Variants in GAS7 observed in about 807,000 individuals in gnomAD.
GAS7 encodes growth arrest specific 7.
Under a neutral mutation model 71.1 loss-of-function variants are expected in GAS7, and 28 were observed. That is an observed-to-expected ratio of 0.39 (90% CI 0.29 to 0.54). GAS7 has a LOEUF of 0.54. GAS7 is among the 20% of genes least tolerant of loss of function. The pLI, the probability that GAS7 is intolerant of heterozygous loss-of-function variation, is 0.62. For synonymous variants in GAS7, 258 were observed against 245.8 expected (o/e 1.05, Z -0.46); for missense variants, 436 against 627.8 (o/e 0.69, Z 3.27).
intron 1 of GAS7, among the ~76,000 whole-genome samples, chr17:10,097,418 AC>A (rs2073652532): frequency 6.6e-6 from 1 of 152,200 alleles, no homozygotes; most frequent in South Asian, 2.1e-4. Context: ...TATAGATCTT[AC>A]ACACAGCCAC....
At chr17:10,008,384 G>A (rs894170697) in intron 2 of GAS7, among the ~76,000 whole-genome samples, 4 of 152,162 alleles carry the variant, frequency 2.6e-5, no homozygotes, top group African/African-American at 9.7e-5. Context: ...AGTGAGGAAC[G>A]CTCTCACACT....
At chr17:9,939,454 C>T (rs560927221) in intron 8 of GAS7, among the ~76,000 whole-genome samples, 2 of 152,296 alleles carry the variant, frequency 1.3e-5, no homozygotes, top group East Asian at 1.9e-4. Context: ...CCCTCTCATA[C>T]GCAGCTTCCT....
chr17:9,958,915 G>T (rs377121440), intron 5 of GAS7: 3 of 1,295,214 alleles, frequency 2.3e-6, no homozygotes, highest in Non-Finnish European at 3.0e-6. Flanking sequence ...ACCCACTCCC[G>T]CACGCATACC....
chr17:10,078,266 A>G (rs1015053974), intron 1 of GAS7, among the ~76,000 whole-genome samples: 1 of 151,820 alleles, frequency 6.6e-6, no homozygotes, highest in African/African-American at 2.4e-5. Flanking sequence ...TAATTTTTGT[A>G]TTTTTAGTAC....
intron 2 of GAS7, among the ~76,000 whole-genome samples, chr17:9,997,172 G>A (rs1351068780): frequency 2.0e-5 from 3 of 147,128 alleles, no homozygotes; most frequent in African/African-American, 7.6e-5. Context: ...GAAAAATATT[G>A]AGGTAGGTCC....
At chr17:9,957,815 T>C (rs1489889825) in intron 5 of GAS7, among the ~76,000 whole-genome samples, 1 of 152,066 alleles carries the variant, frequency 6.6e-6, no homozygotes, top group African/African-American at 2.4e-5. Flanking sequence ...GCCCAGCCCT[T>C]GGAGACACCG....
chr17:10,164,215 G>C (rs1191324826), intron 1 of GAS7, among the ~76,000 whole-genome samples: 1 of 152,024 alleles, frequency 6.6e-6, no homozygotes, highest in Non-Finnish European at 1.5e-5. Flanking sequence ...GGCCGAGGCG[G>C]GCAGATCACA....
At chr17:10,133,057 C>A (rs2074009672) in intron 1 of GAS7, among the ~76,000 whole-genome samples, 2 of 151,502 alleles carry the variant, frequency 1.3e-5, no homozygotes, top group African/African-American at 2.4e-5. Context: ...TCACATATAC[C>A]CCTCCCTTCA....
At chr17:10,186,418 T>TTTTTTTTA (rs2074454136) in intron 1 of GAS7, among the ~76,000 whole-genome samples, 2 of 136,218 alleles carry the variant, frequency 1.5e-5, no homozygotes, top group African/African-American at 5.7e-5. Flanking sequence ...TTTTTTTTTT[T>TTTTTTTTA]GAGACCTAGT....
intron 2 of GAS7, among the ~76,000 whole-genome samples, chr17:9,986,013 C>T (rs1220803519): frequency 1.3e-5 from 2 of 152,232 alleles, no homozygotes; most frequent in Non-Finnish European, 2.9e-5. Flanking sequence ...AGGAAATCAG[C>T]ACTTTGTCCA....
chr17:10,103,066 C>T lies in GAS7; in HGVS notation c.184-83169G>A, dbSNP rs76071825. Among the ~76,000 whole-genome samples, 12,192 of 152,134 alleles carry T rather than the reference C, an allele frequency of 0.08. 558 individuals are homozygous for T. Among genetic ancestry groups the T allele is most frequent in the African/African-American group, 0.11 (4,564 of 41,478 alleles). On this transcript the variant is annotated intron_variant, in intron 1 of 13. Transcript: ENST00000432992. The surrounding 1 kb of genome is among the most constrained non-coding windows in gnomAD (Gnocchi z 5.5). ...AATGCAGAATCTGCATTTTAACAAA[C>T]CCTGACCGGACGTAGTGGCTCACAC...
chr17:10,197,406 C>G (rs1241377991), intron 1 of GAS7, among the ~76,000 whole-genome samples: 1 of 151,970 alleles, frequency 6.6e-6, no homozygotes, highest in African/African-American at 2.4e-5. Flanking sequence ...GAAGGTCACC[C>G]CCCCACACAC....
intron 2 of GAS7, among the ~76,000 whole-genome samples, chr17:10,008,811 G>A (rs981048142): frequency 5.9e-5 from 9 of 151,674 alleles, no homozygotes; most frequent in Non-Finnish European, 1.2e-4. Context: ...ACACGCACAC[G>A]CACGCAACCC....
At chr17:10,074,010 A>G (rs978501067) in intron 1 of GAS7, among the ~76,000 whole-genome samples, 10 of 152,204 alleles carry the variant, frequency 6.6e-5, no homozygotes, top group African/African-American at 2.2e-4. Context: ...GGCGCTGAGA[A>G]TATGCAGATG....
chr17:10,093,938 C>T (rs1425471257), intron 1 of GAS7, among the ~76,000 whole-genome samples: 1 of 152,182 alleles, frequency 6.6e-6, no homozygotes, highest in Non-Finnish European at 1.5e-5. Flanking sequence ...TCTCAGGAGA[C>T]AGCCATCAAG....
Position 10,020,677 on chromosome 17 carries a change from C to T in GAS7, c.184-780G>A, listed in dbSNP as rs377101315. On this transcript the variant is annotated intron_variant, in intron 1 of 13. Transcript: ENST00000432992. The stretch of plus-strand genomic sequence containing the variant: ...CTGTAATCCCAGCACTTTGGGAGGC[C>T]GAGGCGGGCGGATTGCCTAAGCTCA... Among the ~76,000 whole-genome samples, 8 of 152,052 alleles carry T rather than the reference C, an allele frequency of 5.3e-5. No homozygotes were observed. The East Asian group carries it at 5.8e-4, about 11-fold the overall frequency.
At chr17:9,943,074 G>A (rs1329551556) in intron 7 of GAS7, 47 bp downstream of exon 7, 9 of 1,271,014 alleles carry the variant, frequency 7.1e-6, no homozygotes, top group Non-Finnish European at 1.0e-5. Flanking sequence ...GGGGCCCCGG[G>A]GAACACTGGT....
At chr17:10,133,135 C>T (rs80060284) in intron 1 of GAS7, among the ~76,000 whole-genome samples, 7,947 of 84,116 alleles carry the variant, frequency 0.094, 317 homozygotes, top group South Asian at 0.18. Context: ...TTTTTTTTTT[C>T]TTTTTTGAGA....
intron 2 of GAS7, among the ~76,000 whole-genome samples, chr17:9,984,784 A>AT (rs2152134399): frequency 6.6e-6 from 1 of 152,360 alleles, no homozygotes; most frequent in African/African-American, 2.4e-5. Flanking sequence ...GGCACATGGT[A>AT]TGTGCTTTCT....
Sources: gnomAD v4.1 joint callset for allele counts (sites outside exome capture counted in the v4.1 genomes callset) on GRCh38, gnomAD v4.1.1 for gene constraint, Gnocchi (gnomAD v3.1) non-coding constraint, MANE v1.5 for transcripts, NCBI Gene and HGNC (gene_info 2026-07-23, HGNC 2026-07-21) for gene names.